The following EPC2 variants were observed in gnomAD, a reference collection of about 807,000 sequenced individuals.
The protein encoded by EPC2 is enhancer of polycomb 2.
A neutral mutation model predicts 92.1 loss-of-function variants in EPC2; 14 were observed. The ratio of observed to expected loss-of-function variants is 0.15; its 90% confidence interval spans 0.10 to 0.24. The LOEUF (loss-of-function observed/expected upper bound fraction) is 0.24, where lower values mean the gene tolerates loss of function less well. Ranked by LOEUF, EPC2 falls within the 10% of genes least tolerant of loss-of-function variation. The probability of loss-of-function intolerance (pLI) is 1.00; values close to 1 mark genes in which losing one functional copy is unlikely to be tolerated. For missense variants in EPC2, 755 were observed against 971.5 expected (o/e 0.78, Z 2.96); for synonymous variants, 340 against 334.7 (o/e 1.02, Z -0.17).
In EPC2 at chr2:148,762,029, G is replaced by C. The variant is rs1683308241; in HGVS notation, c.815+99G>C. On this transcript the variant is annotated intron_variant, in intron 5 of 13. Transcript: ENST00000258484. ...TAGGGGGGAACAGGTTAAGCTTTAT[G>C]ACAGTTGATATTGATTCTGTAAGAA... 1.1e-5 allele frequency: 10 copies of C among 945,026 alleles called. No homozygotes were observed. In the East Asian group the frequency reaches 2.7e-4, roughly 25 times the overall value. 58.5% of individuals were successfully genotyped at this position (945,026 alleles called of 1,614,324 possible). A position where few individuals can be genotyped will look rare whatever the true frequency, so the allele number is the denominator to read the frequency against.
chr2:148,775,361 A>G (rs796847297), intron 10 of EPC2, among the ~76,000 whole-genome samples: 2 of 152,034 alleles, frequency 1.3e-5, no homozygotes, highest in African/African-American at 4.8e-5. Context: ...TTGAAATTAC[A>G]GTATTATTTA....
At chr2:148,677,747 G>C (rs934206645) in intron 1 of EPC2, among the ~76,000 whole-genome samples, 1 of 152,020 alleles carries the variant, frequency 6.6e-6, no homozygotes, top group Admixed American at 6.6e-5. Flanking sequence ...TCGTGGTCTC[G>C]CTGGCTCAGG....
chr2:148,720,474 G>A (rs1167604258), intron 2 of EPC2, among the ~76,000 whole-genome samples: 1 of 152,196 alleles, frequency 6.6e-6, no homozygotes, highest in Admixed American at 6.5e-5. Context: ...GGGGGTATAT[G>A]TGGACCTCCC....
intron 2 of EPC2, among the ~76,000 whole-genome samples, chr2:148,729,197 A>G (rs1447251956): frequency 6.6e-6 from 1 of 152,164 alleles, no homozygotes; most frequent in African/African-American, 2.4e-5. Context: ...TAGGAGTTAT[A>G]CCATTTTGTA....
At chr2:148,710,442 A>G (rs969576961) in intron 2 of EPC2, among the ~76,000 whole-genome samples, 2 of 152,184 alleles carry the variant, frequency 1.3e-5, no homozygotes, top group African/African-American at 2.4e-5. Flanking sequence ...ACAGTGTGGC[A>G]ATTCCTCAAG....
chr2:148,725,552 ATACAG>A (rs757699852), intron 2 of EPC2, among the ~76,000 whole-genome samples: 61 of 152,300 alleles, frequency 4.0e-4, no homozygotes, highest in Non-Finnish European at 7.6e-4. Context: ...CATTGATACA[ATACAG>A]TAATCTGTTG....
chr2:148,706,316 G>T (rs992677204), intron 2 of EPC2, among the ~76,000 whole-genome samples: 5 of 152,100 alleles, frequency 3.3e-5, no homozygotes, highest in Non-Finnish European at 7.4e-5. Context: ...AAAAAGAAAT[G>T]AATAAAGCCT....
chr2:148,710,184 C>T (rs1449440269), intron 2 of EPC2, among the ~76,000 whole-genome samples: 1 of 152,130 alleles, frequency 6.6e-6, no homozygotes, highest in Non-Finnish European at 1.5e-5. Context: ...AAAAAGTGGG[C>T]AAAGGATATG....
Position 148,645,009 on chromosome 2 carries a change from G to A in EPC2, c.-9G>A. 1.3e-6 allele frequency: 2 copies of A among 1,546,464 alleles called. No homozygotes were observed. The highest frequency in any genetic ancestry group is 1.7e-4 in the Middle Eastern group (1 of 5,854). ...GCCGCCCGGGCTGTTCCTGTAAGGC[G>A]GGGAGACAATGAGTAAACTCTCCTT... is the stretch of plus-strand genomic sequence containing the variant. On this transcript the variant is annotated 5_prime_UTR_variant, in exon 1 of 14. Coordinates refer to ENST00000258484, the MANE Select transcript of EPC2 (RefSeq NM_015630.4).
intron 2 of EPC2, among the ~76,000 whole-genome samples, chr2:148,709,600 A>G (rs968971669): frequency 4.6e-5 from 7 of 152,240 alleles, no homozygotes; most frequent in African/African-American, 1.7e-4. Context: ...AAACTATACT[A>G]CAAGTCTACA....
chr2:148,677,540 G>T (rs570157808), intron 1 of EPC2, among the ~76,000 whole-genome samples: 1 of 152,272 alleles, frequency 6.6e-6, no homozygotes, highest in East Asian at 1.9e-4. Context: ...TCTAGGTTTG[G>T]TGGTACGCAC....
rs546662962 is a variant in EPC2, at chr2:148,678,570, G to A, written c.154-11644G>A. 3.9e-5 allele frequency among the ~76,000 whole-genome samples: 6 copies of A among 152,370 alleles called. No homozygotes were observed. In the South Asian group the frequency reaches 6.2e-4, roughly 16 times the overall value. ...CACGGGAAGGCAGCTAAGGCCCTGC[G>A]AGAAATCGAGCGCAGCACTGGTGGG... On this transcript the variant is annotated intron_variant, in intron 1 of 13. Coordinates refer to ENST00000258484, the MANE Select transcript of EPC2 (RefSeq NM_015630.4).
chr2:148,662,627 T>C (rs1488379726), intron 1 of EPC2, among the ~76,000 whole-genome samples: 1 of 147,388 alleles, frequency 6.8e-6, no homozygotes, highest in Non-Finnish European at 1.5e-5. Flanking sequence ...TGAGAACACA[T>C]GGACACAGGA....
At chr2:148,746,551 C>CAACT (rs1682988823) in intron 3 of EPC2, among the ~76,000 whole-genome samples, 1 of 152,050 alleles carries the variant, frequency 6.6e-6, no homozygotes, top group South Asian at 2.1e-4. Flanking sequence ...GTGTGACAGA[C>CAACT]AACTAATTGC....
chr2:148,712,144 G>A (rs7558075), intron 2 of EPC2, among the ~76,000 whole-genome samples: 96,000 of 151,872 alleles, frequency 0.63, 32,880 homozygotes, highest in Non-Finnish European at 0.79. Flanking sequence ...CTTTGTTTCT[G>A]GTTTTATCTT....
At chr2:148,648,196 A>G (rs976264098) in intron 1 of EPC2, among the ~76,000 whole-genome samples, 8 of 152,324 alleles carry the variant, frequency 5.3e-5, no homozygotes, top group Admixed American at 3.9e-4. Context: ...ATAGTCTGAA[A>G]TCTTTTGCTT....
chr2:148,673,604 G>A (rs934716700), intron 1 of EPC2, among the ~76,000 whole-genome samples: 1 of 151,894 alleles, frequency 6.6e-6, no homozygotes, highest in Non-Finnish European at 1.5e-5. Flanking sequence ...TATTTATTGA[G>A]ACAGAGTCTC....
chr2:148,653,948 T>G (rs1319467616), intron 1 of EPC2, among the ~76,000 whole-genome samples: 1 of 145,562 alleles, frequency 6.9e-6, no homozygotes, highest in Non-Finnish European at 1.5e-5. Context: ...ACTTTTTTTT[T>G]TGTTTTTTTT....
chr2:148,722,139 A>G (rs1682392290), intron 2 of EPC2, among the ~76,000 whole-genome samples: 1 of 152,180 alleles, frequency 6.6e-6, no homozygotes, highest in Middle Eastern at 3.4e-3. Context: ...CAGGACTTTA[A>G]TGATGCGGTT....
Sources: gnomAD v4.1 joint callset for allele counts (sites outside exome capture counted in the v4.1 genomes callset) on GRCh38, gnomAD v4.1.1 for gene constraint, MANE v1.5 for transcripts, NCBI Gene and HGNC (gene_info 2026-07-23, HGNC 2026-07-21) for gene names.